Variants in F5 observed in about 807,000 individuals in gnomAD.
F5 encodes activated protein c cofactor.
A neutral mutation model predicts 216.4 loss-of-function variants in F5; 138 were observed. The observed-to-expected ratio is 0.64, with a 90% CI of 0.56 to 0.73. F5 has a LOEUF of 0.73. F5 is among the 30% of genes least tolerant of loss of function. The pLI, the probability that F5 is intolerant of heterozygous loss-of-function variation, is 0.00. For missense variants in F5, 2,403 were observed against 2,674.0 expected, an observed-to-expected ratio of 0.90 and a Z score of 2.24; for synonymous variants, 916 against 930.7, an observed-to-expected ratio of 0.98 and a Z score of 0.29.
intron 14 of F5, among the ~76,000 whole-genome samples, chr1:169,534,005 G>A (rs34108782): frequency 4.8e-4 from 73 of 152,178 alleles, no homozygotes; most frequent in Middle Eastern, 6.8e-3. Context: ...GTTAAAGATC[G>A]ACCCGTGACC....
intron 2 of F5, among the ~76,000 whole-genome samples, chr1:169,580,598 G>T: frequency 6.6e-6 from 1 of 151,946 alleles, no homozygotes; most frequent in Admixed American, 6.6e-5. Flanking sequence ...GGGCCAGGCT[G>T]GTCTGGAACT....
At chr1:169,518,674 A>G (rs1013172132) in intron 22 of F5, 111 bp from the exon 23 acceptor site, 36 of 1,177,946 alleles carry the variant, frequency 3.1e-5, no homozygotes, top group Non-Finnish European at 3.8e-5. Flanking sequence ...GACAAAAACA[A>G]TAACCACAAC....
chr1:169,512,652 C>T lies in F5; in HGVS notation c.*1661G>A, dbSNP rs146583054. On this transcript the variant is annotated 3_prime_UTR_variant, in exon 25 of 25. Transcript: ENST00000367797. ...CTTTTGCTCTTAACGGAATGGAAAT[C>T]TTAGAAATGTTGATGGGACAATGAC... 1.7e-3 allele frequency among the ~76,000 whole-genome samples: 256 copies of T among 152,102 alleles called. No individual in the cohort carries two copies. The highest frequency in any genetic ancestry group is 5.8e-3 in the African/African-American group (242 of 41,528).
chr1:169,567,357 C>T (rs1337330729), intron 3 of F5, among the ~76,000 whole-genome samples: 1 of 150,816 alleles, frequency 6.6e-6, no homozygotes, highest in Non-Finnish European at 1.5e-5. Context: ...ACAATGTGCA[C>T]ATGTACCCTA....
At position 169,540,888 on chromosome 1, in the gene F5, G is replaced by A; in HGVS notation, c.4202C>T (p.Pro1401Leu). ...MPLFADLSQI[P>L]LTPDLDQMTL... ...CATCTGGTCGAGGTCTGGGGTAAGG[G>A]GAATTTGACTGAGATCTGCAAAGAG... is the stretch of plus-strand genomic sequence containing the variant. Residue 1401 changes from proline to leucine, a missense_variant, in exon 13 of 25, where the codon CCC (proline) becomes CTC (leucine). By Grantham distance (98) the Pro-to-Leu change is moderately conservative. This residue lies in a region of F5 where 293 missense variants were observed against 270.8 expected (regional missense o/e 1.08). Transcript: ENST00000367797. 1 of 1,611,522 alleles carries A rather than the reference G, an allele frequency of 6.2e-7. No individual in the cohort carries two copies. The highest frequency in any genetic ancestry group is 8.5e-7 in the Non-Finnish European group (1 of 1,179,066).
chr1:169,518,647 T>C, intron 22 of F5, 84 bp from the exon 23 acceptor site: 1 of 1,418,682 alleles, frequency 7.0e-7, no homozygotes, highest in South Asian at 1.2e-5. Context: ...TAAGAAATAA[T>C]ATTACTACCA....
At chr1:169,560,516 C>A in intron 4 of F5, 38 bp downstream of exon 4, 1 of 1,600,566 alleles carries the variant, frequency 6.2e-7, no homozygotes, top group Non-Finnish European at 8.6e-7. Context: ...ACCATTCCAA[C>A]ATTTAGTTGT....
At chr1:169,578,217 A>G (rs911070155) in intron 2 of F5, among the ~76,000 whole-genome samples, 1 of 152,248 alleles carries the variant, frequency 6.6e-6, no homozygotes, top group Admixed American at 6.5e-5. Context: ...TTACATTAAA[A>G]TGGACGTCGA....
intron 2 of F5, 79 bp downstream of exon 2, chr1:169,582,352 G>A: frequency 4.1e-6 from 3 of 729,752 alleles, no homozygotes; most frequent in South Asian, 1.8e-5. Context: ...TCAGTAAATG[G>A]ATATTTTAGA....
At chr1:169,556,425 T>TAAAAAAAAAAAAAAAAAAAAAACAAAAA (rs61568675) in intron 6 of F5, among the ~76,000 whole-genome samples, 1 of 58,906 alleles carries the variant, frequency 1.7e-5, no homozygotes, top group African/African-American at 8.9e-5. Context: ...TTTGCTTAAT[T>TAAAAAAAAAAAAAAAAAAAAAACAAAAA]AAAAAAAAAA....
intron 3 of F5, among the ~76,000 whole-genome samples, chr1:169,563,129 A>G (rs1353736971): frequency 1.3e-5 from 2 of 151,970 alleles, no homozygotes; most frequent in Non-Finnish European, 2.9e-5. Context: ...CCCTCCCAAC[A>G]CTTTAAAGAT....
intron 2 of F5, among the ~76,000 whole-genome samples, chr1:169,573,153 G>A (rs2101840572): frequency 6.6e-6 from 1 of 152,150 alleles, no homozygotes; most frequent in African/African-American, 2.4e-5. Context: ...TCACCATGTT[G>A]GCCAGGCTGG....
intron 2 of F5, among the ~76,000 whole-genome samples, chr1:169,581,254 A>G (rs940037699): frequency 6.6e-6 from 1 of 152,212 alleles, no homozygotes; most frequent in Non-Finnish European, 1.5e-5. Flanking sequence ...GTAGTAAAAG[A>G]ACATAGGCTC....
At chr1:169,561,399 A>G (rs1012536308) in intron 3 of F5, among the ~76,000 whole-genome samples, 3 of 152,060 alleles carry the variant, frequency 2.0e-5, no homozygotes, top group Non-Finnish European at 4.4e-5. Context: ...TGTGCACCCA[A>G]AGACACATCA....
Position 169,530,818 on chromosome 1 carries a change from G to C in F5, c.5176C>G (p.Arg1726Gly). Reference sequence around the variant, plus strand: ...ACAGCTGAGTAGTAGGCCCAAGCCCGACAGGCAGAGCCAGGACTTTCTGGC... The same window carrying C: ...ACAGCTGAGTAGTAGGCCCAAGCCCCACAGGCAGAGCCAGGACTTTCTGGC... ...SGPESPGSAC[R>G]AWAYYSAVNP... The change falls in exon 15 of 25, where the codon CGG becomes GGG. Residue 1726 changes from arginine to glycine, a missense_variant. This residue lies in a region of F5 where 659 missense variants were observed against 787.9 expected (regional missense o/e 0.84). Coordinates refer to ENST00000367797, the MANE Select transcript of F5 (RefSeq NM_000130.5). 3 of 1,613,860 alleles carry C rather than the reference G, an allele frequency of 1.9e-6. No individual in the cohort carries two copies. Among genetic ancestry groups the C allele is most frequent in the Non-Finnish European group, 2.5e-6 (3 of 1,179,796 alleles).
At position 169,540,202 on chromosome 1, in the gene F5, A is replaced by G. The variant is rs183589253; in HGVS notation, c.4796+92T>C. On this transcript the variant is annotated intron_variant, in intron 13 of 24. Coordinates refer to ENST00000367797, the MANE Select transcript of F5 (RefSeq NM_000130.5). ...GGGGAACCACACTGTTCTTAGTATA[A>G]TTTGCCCACAATTATCCCCCTGAAT... is the stretch of plus-strand genomic sequence containing the variant. 251 of 1,381,060 alleles carry G rather than the reference A, an allele frequency of 1.8e-4. No individual in the cohort carries two copies. The African/African-American group carries it at 3.0e-3, about 17-fold the overall frequency. 85.6% of individuals were successfully genotyped at this position (1,381,060 alleles called of 1,614,324 possible).
chr1:169,562,646 C>T (rs1211644744), intron 3 of F5, among the ~76,000 whole-genome samples: 3 of 151,816 alleles, frequency 2.0e-5, no homozygotes, highest in Non-Finnish European at 4.4e-5. Context: ...GGTGCCCTTC[C>T]GTTTACAATA....
chr1:169,540,703 T>G lies in F5; in HGVS notation c.4387A>C (p.Ile1463Leu), dbSNP rs1659813177. ...QISPPPDLDQ[I>L]FYPSESSQSL... Reference sequence around the variant, plus strand: ...TGACTAGATTCAGAAGGGTAGAATATCTGATCAAGGTCTGGAGGAGGTGAT... The same window carrying G: ...TGACTAGATTCAGAAGGGTAGAATAGCTGATCAAGGTCTGGAGGAGGTGAT... Residue 1463 changes from isoleucine (I) to leucine (L), a missense_variant, in exon 13 of 25, where the codon ATA becomes CTA. Physicochemically the swap from Ile to Leu is conservative, Grantham distance 5 (BLOSUM62 2). This residue lies in a region of F5 where 293 missense variants were observed against 270.8 expected (regional missense o/e 1.08). Coordinates refer to ENST00000367797, the MANE Select transcript of F5 (RefSeq NM_000130.5). The G allele has an allele frequency of 6.2e-7, 1 of 1,614,046 alleles. No individual in the cohort carries two copies.
chr1:169,523,020 T>G (rs1270610915), intron 21 of F5, among the ~76,000 whole-genome samples, 177 bp downstream of exon 21: 1 of 152,208 alleles, frequency 6.6e-6, no homozygotes, highest in Non-Finnish European at 1.5e-5. Context: ...CTCTCTTTAA[T>G]TTGTAAGACA....
Sources: allele counts gnomAD v4.1 joint callset (sites outside exome capture counted in the v4.1 genomes callset), GRCh38; gene constraint gnomAD v4.1.1; regional missense constraint gnomAD v4.1.1; transcripts MANE v1.5; gene names NCBI Gene and HGNC (gene_info 2026-07-23, HGNC 2026-07-21).